SRPK2: variants seen among roughly 807,000 people sequenced by gnomAD.
SRPK2 encodes SRSF protein kinase 2.
SRPK2 carries 21 observed loss-of-function variants against 90.8 expected under a neutral mutation model. That is an observed-to-expected ratio of 0.23 (90% CI 0.16 to 0.33). The LOEUF (loss-of-function observed/expected upper bound fraction) is 0.33, where lower values mean the gene tolerates loss of function less well. Among genes scored for constraint, SRPK2 ranks in the 10% least tolerant of loss-of-function variants. The probability of loss-of-function intolerance (pLI) is 1.00; values close to 1 mark genes in which losing one functional copy is unlikely to be tolerated. For missense variants in SRPK2, 620 were observed against 869.0 expected (o/e 0.71, Z 3.60); for synonymous variants, 288 against 311.1 (o/e 0.93, Z 0.78).
At chr7:105,310,935 C>T (rs975029739) in intron 2 of SRPK2, among the ~76,000 whole-genome samples, 4 of 152,126 alleles carry the variant, frequency 2.6e-5, no homozygotes, top group African/African-American at 9.7e-5. Flanking sequence ...ACAATATTAA[C>T]GTCAATTGCT....
chr7:105,235,805 G>C (rs1462827179), intron 2 of SRPK2, among the ~76,000 whole-genome samples: 1 of 152,016 alleles, frequency 6.6e-6, no homozygotes, highest in Admixed American at 6.6e-5. Flanking sequence ...TTCCATTTAT[G>C]TCATCACAAA....
Position 105,130,817 on chromosome 7 carries a change from C to A in SRPK2, c.1752+1974G>T, listed in dbSNP as rs191799442. ...CTGCCCCTTTCCAAAAAAAAAAAAA[C>A]CTCCCTTATGACAACCAACTGAAAA... On this transcript the variant is annotated intron_variant, in intron 13 of 15. Coordinates refer to ENST00000393651, the MANE Select transcript of SRPK2 (RefSeq NM_182692.3). 3.7e-3 allele frequency among the ~76,000 whole-genome samples: 551 copies of A among 150,048 alleles called. 15 individuals carry two copies. The East Asian group carries it at 0.062, about 17-fold the overall frequency.
intron 2 of SRPK2, among the ~76,000 whole-genome samples, chr7:105,227,916 GTAAC>G (rs1277608995): frequency 3.3e-4 from 31 of 92,918 alleles, no homozygotes; most frequent in African/African-American, 8.3e-4. Flanking sequence ...AAAAAAAAAA[GTAAC>G]TAACAACGAT....
upstream of SRPK2, chr7:105,388,964 A>G: frequency 6.2e-6 from 7 of 1,123,012 alleles, no homozygotes; most frequent in South Asian, 8.7e-5. Flanking sequence ...ACCCAGCAAG[A>G]CCCGCCCCCG....
In SRPK2 at chr7:105,178,245, T is replaced by A. The variant is rs147906113; in HGVS notation, c.230-8980A>T. Among the ~76,000 whole-genome samples, 203 of 152,082 alleles carry A rather than the reference T, an allele frequency of 1.3e-3. 1 individual carries two copies. The highest frequency in any genetic ancestry group is 4.5e-3 in the African/African-American group (187 of 41,480). On this transcript the variant is annotated intron_variant, in intron 3 of 15. Coordinates refer to ENST00000393651, the MANE Select transcript of SRPK2 (RefSeq NM_182692.3). The stretch of plus-strand genomic sequence containing the variant: ...AATAATACTAAATATAAAAAAAGCA[T>A]CAAGACTAAGGACGTTTTTAAAAGC...
At chr7:105,127,171 A>C (rs1801327243) in intron 13 of SRPK2, 109 bp from the exon 14 acceptor site, 1 of 968,036 alleles carries the variant, frequency 1.0e-6, no homozygotes, top group South Asian at 1.6e-5. Flanking sequence ...TGAATCAAAC[A>C]AAATAGCCTC....
At chr7:105,115,338 A>C (rs893870711), downstream of SRPK2, 9 of 152,222 alleles carry the variant, frequency 5.9e-5, no homozygotes, top group Non-Finnish European at 1.2e-4. Context: ...CAAGTTAGTA[A>C]ATCGGTTTTC....
intron 3 of SRPK2, among the ~76,000 whole-genome samples, chr7:105,170,745 G>GGAAGGA (rs1213368773): frequency 2.2e-5 from 1 of 45,538 alleles, no homozygotes; most frequent in Non-Finnish European, 3.8e-5. Context: ...GGAAGAAAGG[G>GGAAGGA]AGGAAGGAAG....
chr7:105,160,648 T>C (rs755273914), intron 6 of SRPK2, 35 bp from the exon 7 acceptor site: 1 of 1,277,368 alleles, frequency 7.8e-7, no homozygotes, highest in South Asian at 1.2e-5. Context: ...GTGGATGCAC[T>C]GCCTGGAGTG....
intron 13 of SRPK2, among the ~76,000 whole-genome samples, chr7:105,129,230 G>A (rs966618226): frequency 2.6e-5 from 4 of 152,202 alleles, no homozygotes; most frequent in Admixed American, 6.5e-5. Context: ...CACCAAGCCC[G>A]GCCAAATAAT....
At chr7:105,231,360 G>C (rs559280425) in intron 2 of SRPK2, among the ~76,000 whole-genome samples, 1 of 152,126 alleles carries the variant, frequency 6.6e-6, no homozygotes, top group Non-Finnish European at 1.5e-5. Flanking sequence ...ATTGTGAACA[G>C]TGCTGCACTG....
chr7:105,354,040 C>A (rs1165332905), intron 2 of SRPK2, among the ~76,000 whole-genome samples: 2 of 152,218 alleles, frequency 1.3e-5, no homozygotes, highest in Non-Finnish European at 2.9e-5. Flanking sequence ...CAGGACCTTC[C>A]TCTTTGCTGG....
chr7:105,375,569 G>A lies in SRPK2; in HGVS notation c.71+13079C>T, dbSNP rs561588463. Among the ~76,000 whole-genome samples, 3 of 152,216 alleles carry A rather than the reference G, an allele frequency of 2.0e-5. No individual in the cohort carries two copies. In the South Asian group the frequency reaches 6.2e-4, roughly 32 times the overall value. On this transcript the variant is annotated intron_variant, in intron 2 of 15. Transcript: ENST00000393651. ...AAATCACAGCGATCAAGGTAACCTGGAACTAGAGCAAGGACAGAGAAGTCA... is the reference window on the plus strand; with the variant it reads ...AAATCACAGCGATCAAGGTAACCTGAAACTAGAGCAAGGACAGAGAAGTCA...
intron 2 of SRPK2, among the ~76,000 whole-genome samples, chr7:105,237,966 T>C (rs1290699193): frequency 6.6e-6 from 1 of 152,152 alleles, no homozygotes; most frequent in Non-Finnish European, 1.5e-5. Context: ...TATTATTAAG[T>C]TTGACACAAC....
At chr7:105,377,733 C>T (rs1301266864) in intron 2 of SRPK2, among the ~76,000 whole-genome samples, 1 of 151,956 alleles carries the variant, frequency 6.6e-6, no homozygotes, top group East Asian at 1.9e-4. Context: ...AAAGCCTGGC[C>T]AAAGTCACCA....
At chr7:105,322,927 G>A (rs113138904) in intron 2 of SRPK2, among the ~76,000 whole-genome samples, 10 of 152,128 alleles carry the variant, frequency 6.6e-5, no homozygotes, top group Non-Finnish European at 1.5e-4. Context: ...AGCCAGACAC[G>A]GTGGCTCATG....
At chr7:105,306,606 A>G (rs578071225) in intron 2 of SRPK2, 16 of 413,714 alleles carry the variant, frequency 3.9e-5, no homozygotes, top group African/African-American at 2.9e-4. Context: ...AAGAAAAAAC[A>G]TGTTGGCTAA....
At chr7:105,342,990 C>G (rs1585797252) in intron 2 of SRPK2, among the ~76,000 whole-genome samples, 2 of 152,144 alleles carry the variant, frequency 1.3e-5, no homozygotes, top group Admixed American at 1.3e-4. Flanking sequence ...TAAACCCAAA[C>G]CTACTCCCAA....
chr7:105,209,120 G>A (rs1012456252), intron 2 of SRPK2, among the ~76,000 whole-genome samples: 1 of 152,156 alleles, frequency 6.6e-6, no homozygotes, highest in East Asian at 1.9e-4. Context: ...TTTACAATAA[G>A]CTCAGCTACA....
Sources: gnomAD v4.1 joint callset for allele counts (sites outside exome capture counted in the v4.1 genomes callset) on GRCh38, gnomAD v4.1.1 for gene constraint, MANE v1.5 for transcripts, NCBI Gene and HGNC (gene_info 2026-07-23, HGNC 2026-07-21) for gene names.